Variants in MBD3L1 observed in about 807,000 individuals in gnomAD.
MBD3L1 encodes methyl-CpG binding domain protein 3 like 1.
For missense variants in MBD3L1, 203 were observed against 230.1 expected (o/e 0.88, Z 0.76); for synonymous variants, 84 against 85.1 (o/e 0.99, Z 0.07).
At chr19:8,842,618 A>G (rs2044524642) in intron 2 of MBD3L1, 40 bp from the exon 3 acceptor site, 1 of 1,414,780 alleles carries the variant, frequency 7.1e-7, no homozygotes, top group South Asian at 1.3e-5. Flanking sequence ...GGCAGGCTTC[A>G]TTGATCAATT....
At chr19:8,835,698 A>G (rs3859518) in intron 1 of MBD3L1, among the ~76,000 whole-genome samples, 5 of 22,508 alleles carry the variant, frequency 2.2e-4, no homozygotes, top group African/African-American at 4.7e-4. Flanking sequence ...AAATGAAAAC[A>G]TGTGTTCACA....
chr19:8,842,579 C>T lies in MBD3L1; in HGVS notation c.-21-79C>T. ...GAGGGAGAGAGGAAGGATGAAAGTCCAGAACAGCTGAGATCCTTGTCCTGA... is the reference window on the plus strand; with the variant it reads ...GAGGGAGAGAGGAAGGATGAAAGTCTAGAACAGCTGAGATCCTTGTCCTGA... On this transcript the variant is annotated intron_variant, in intron 2 of 2. Transcript: ENST00000595891. 3.8e-6 allele frequency: 4 copies of T among 1,050,906 alleles called. No individual in the cohort carries two copies. The East Asian group carries it at 7.6e-5, about 20-fold the overall frequency. The allele number at this position is 1,050,906 out of a possible 1,614,324, so 65.1% of individuals were successfully genotyped here.
At chr19:8,835,046 G>T (rs1438319929) in intron 1 of MBD3L1, among the ~76,000 whole-genome samples, 1 of 151,166 alleles carries the variant, frequency 6.6e-6, no homozygotes, top group South Asian at 2.1e-4. Flanking sequence ...AGTGAACAAA[G>T]AGTTTTTTTT....
chr19:8,840,378 T>A (rs559717761), intron 1 of MBD3L1, among the ~76,000 whole-genome samples: 1 of 152,310 alleles, frequency 6.6e-6, no homozygotes, highest in African/African-American at 2.4e-5. Flanking sequence ...TGCCGCTCAC[T>A]GCAACCTCGA....
At position 8,834,616 on chromosome 19, in the gene MBD3L1, A is replaced by C. The variant is rs1418197929; in HGVS notation, c.-107+2094A>C. 4.2e-3 allele frequency among the ~76,000 whole-genome samples: 625 copies of C among 147,714 alleles called. 5 individuals carry two copies. The highest frequency in any genetic ancestry group is 6.6e-3 in the Non-Finnish European group (443 of 66,628). ...AGCGAGACTCCATCAAAAAAAAAAA[A>C]CAAACCAAAACCAAAAAAAAACAAA... On this transcript the variant is annotated intron_variant, in intron 1 of 2. Transcript: ENST00000595891.
intron 2 of MBD3L1, among the ~76,000 whole-genome samples, chr19:8,841,590 T>C (rs922927257): frequency 6.6e-6 from 1 of 152,184 alleles, no homozygotes; most frequent in Non-Finnish European, 1.5e-5. Flanking sequence ...ACAGTCTCGC[T>C]CTGTTGCCCA....
chr19:8,839,582 C>T (rs928344105), intron 1 of MBD3L1, among the ~76,000 whole-genome samples: 2 of 152,140 alleles, frequency 1.3e-5, no homozygotes, highest in Non-Finnish European at 2.9e-5. Flanking sequence ...AAGCTTTCCA[C>T]TTCAAGAGTC....
chr19:8,834,604 CAAAAAAAAAAAACAAACCAAAACCAAAA>C, intron 1 of MBD3L1, among the ~76,000 whole-genome samples: 1 of 88,592 alleles, frequency 1.1e-5, no homozygotes, highest in East Asian at 3.0e-4. Flanking sequence ...GAGACTCCAT[CAAAAAAAAAAAACAAACCAAAACCAAAA>C]AAAAACAAAA....
chr19:8,843,229 T>C lies in MBD3L1; in HGVS notation c.551T>C (p.Val184Ala). 9 of 1,603,254 alleles carry C rather than the reference T, an allele frequency of 5.6e-6. No individual in the cohort carries two copies. Among genetic ancestry groups the C allele is most frequent in the Non-Finnish European group, 7.7e-6 (9 of 1,175,064 alleles). ...GGACTCGCTAATGAGGCAGAGAAAG[T>C]GAGAGACCAAGAAGGCCGTCCTGAA... ...ADGLANEAEK[V>A]RDQEGRPEKR Residue 184 changes from valine (V) to alanine (A), a missense_variant, in exon 3 of 3, where the codon GTG (valine) becomes GCG (alanine). Physicochemically the swap from Val to Ala is moderately conservative, Grantham distance 64. Coordinates refer to ENST00000595891, the MANE Select transcript of MBD3L1 (RefSeq NM_001393532.1).
At position 8,840,938 on chromosome 19, in the gene MBD3L1, T is replaced by C. The variant is rs915785333; in HGVS notation, c.-83T>C. 2 of 152,110 alleles carry C rather than the reference T, an allele frequency of 1.3e-5. No individual in the cohort carries two copies. Among genetic ancestry groups the C allele is most frequent in the African/African-American group, 2.4e-5 (1 of 41,442 alleles). The allele number at this position is 152,110 out of a possible 1,614,324, so 9.4% of individuals were successfully genotyped here. Reference sequence around the variant, plus strand: ...AGTGATCATATGACGGTGGTAGCCATGGCGTCACAGAGAACAGGGACCTTC... The same window carrying C: ...AGTGATCATATGACGGTGGTAGCCACGGCGTCACAGAGAACAGGGACCTTC... On this transcript the variant is annotated 5_prime_UTR_variant, in exon 2 of 3. It removes an upstream start codon present in the reference 5' UTR. Coordinates refer to ENST00000595891, the MANE Select transcript of MBD3L1 (RefSeq NM_001393532.1).
At chr19:8,842,143 A>T (rs1257344312) in intron 2 of MBD3L1, among the ~76,000 whole-genome samples, 2 of 151,910 alleles carry the variant, frequency 1.3e-5, no homozygotes, top group Non-Finnish European at 1.5e-5. Flanking sequence ...AGCCTGGACA[A>T]TATGGTGAAA....
rs2044530437 is a variant in MBD3L1, at chr19:8,843,173, A to G, written c.495A>G (p.Arg165=). Residue 165 remains arginine (R), a synonymous_variant, in exon 3 of 3, where the codon AGA becomes AGG. Transcript: ENST00000595891. The part of the protein sequence containing the change: ...RKQEGKVKTV[R]ERLAIALIAD... ...AGGAAGGGAAAGTGAAGACAGTCAG[A>G]GAGAGACTCGCAATAGCACTGATTG... The G allele has an allele frequency of 6.2e-7, 1 of 1,613,884 alleles. No individual in the cohort carries two copies. Among genetic ancestry groups the G allele is most frequent in the East Asian group, 2.2e-5 (1 of 44,876 alleles).
intron 1 of MBD3L1, among the ~76,000 whole-genome samples, chr19:8,838,933 T>C (rs749984763): frequency 6.6e-6 from 1 of 152,172 alleles, no homozygotes; most frequent in Non-Finnish European, 1.5e-5. Context: ...CAGAATGTCA[T>C]GCCAGTGGGT....
At chr19:8,837,145 G>A (rs2044463928) in intron 1 of MBD3L1, among the ~76,000 whole-genome samples, 1 of 152,192 alleles carries the variant, frequency 6.6e-6, no homozygotes, top group South Asian at 2.1e-4. Context: ...TAGCAGCATT[G>A]ATAAGTACCA....
chr19:8,841,924 C>G (rs1052460135), intron 2 of MBD3L1, among the ~76,000 whole-genome samples: 3 of 152,124 alleles, frequency 2.0e-5, no homozygotes, highest in African/African-American at 7.2e-5. Context: ...GATTAAGGCT[C>G]AAAGAGCAGA....
chr19:8,840,491 A>T (rs978477474), intron 1 of MBD3L1, among the ~76,000 whole-genome samples: 2 of 152,096 alleles, frequency 1.3e-5, no homozygotes, highest in African/African-American at 2.4e-5. Context: ...TTTAGTAGAG[A>T]TGGGGGTCCC....
chr19:8,832,818 A>G (rs2044395495), intron 1 of MBD3L1, among the ~76,000 whole-genome samples: 1 of 151,170 alleles, frequency 6.6e-6, no homozygotes, highest in Non-Finnish European at 1.5e-5. Flanking sequence ...AGCGGGAACC[A>G]GGCTGTGGTT....
At chr19:8,835,590 A>G (rs568183916) in intron 1 of MBD3L1, among the ~76,000 whole-genome samples, 16 of 152,360 alleles carry the variant, frequency 1.1e-4, no homozygotes, top group African/African-American at 2.9e-4. Context: ...GGATTGTAAA[A>G]TGGTGCACCC....
chr19:8,843,169 T>G lies in MBD3L1; in HGVS notation c.491T>G (p.Val164Gly), dbSNP rs1477829486. 1.2e-6 allele frequency: 2 copies of G among 1,613,534 alleles called. No homozygotes were observed. The highest frequency in any genetic ancestry group is 1.3e-5 in the African/African-American group (1 of 74,852). Reference sequence around the variant, plus strand: ...AAACAGGAAGGGAAAGTGAAGACAGTCAGAGAGAGACTCGCAATAGCACTG... The same window carrying G: ...AAACAGGAAGGGAAAGTGAAGACAGGCAGAGAGAGACTCGCAATAGCACTG... Reference protein sequence around the residue: ...IRKQEGKVKTVRERLAIALIA... With the variant: ...IRKQEGKVKTGRERLAIALIA... Residue 164 changes from valine to glycine, a missense_variant, in exon 3 of 3, where the codon GTC becomes GGC. Physicochemically the swap from Val to Gly is moderately radical, Grantham distance 109. Coordinates refer to ENST00000595891, the MANE Select transcript of MBD3L1 (RefSeq NM_001393532.1).
Sources: gnomAD v4.1 joint callset for allele counts (sites outside exome capture counted in the v4.1 genomes callset) on GRCh38, gnomAD v4.1.1 for gene constraint, MANE v1.5 for transcripts, NCBI Gene and HGNC (gene_info 2026-07-23, HGNC 2026-07-21) for gene names.